EDNRA: variants seen among roughly 807,000 people sequenced by gnomAD.
The protein encoded by EDNRA is endothelin receptor type A.
Under a neutral mutation model 41.4 loss-of-function variants are expected in EDNRA, and 11 were observed. That is an observed-to-expected ratio of 0.27 (90% CI 0.17 to 0.44). EDNRA has a LOEUF of 0.44. EDNRA is among the 20% of genes least tolerant of loss of function. EDNRA has a pLI of 1.00. For missense variants in EDNRA, 294 were observed against 531.0 expected, an observed-to-expected ratio of 0.55 and a Z score of 4.39; for synonymous variants, 172 against 183.0, an observed-to-expected ratio of 0.94 and a Z score of 0.49.
chr4:147,506,083 C>A (rs1471496657), intron 2 of EDNRA: 2 of 514,314 alleles, frequency 3.9e-6, no homozygotes, highest in African/African-American at 1.9e-5. Flanking sequence ...TTCCCAGTAT[C>A]CTGGCAGGTT....
At chr4:147,490,669 A>G (rs1007523588) in intron 2 of EDNRA, 5 of 152,212 alleles carry the variant, frequency 3.3e-5, no homozygotes, top group Non-Finnish European at 5.9e-5. Flanking sequence ...GACAAAATAG[A>G]TAAGTATAGA....
At chr4:147,492,571 C>A (rs2126387582) in intron 2 of EDNRA, 1 of 151,926 alleles carries the variant, frequency 6.6e-6, no homozygotes, top group South Asian at 2.1e-4. Flanking sequence ...TCTGTGCATT[C>A]TTTAAGCATA....
intron 2 of EDNRA, among the ~76,000 whole-genome samples, chr4:147,487,725 C>T (rs1224403326): frequency 6.6e-6 from 1 of 152,152 alleles, no homozygotes; most frequent in Non-Finnish European, 1.5e-5. Flanking sequence ...CCCAAAATTA[C>T]ACCAGTACAC....
At chr4:147,492,932 A>T (rs1729188255) in intron 2 of EDNRA, 1 of 152,044 alleles carries the variant, frequency 6.6e-6, no homozygotes, top group Non-Finnish European at 1.5e-5. Context: ...TCTCATGGTC[A>T]TGTTAAGTAA....
Position 147,539,831 on chromosome 4 carries a change from A to G in EDNRA, c.915A>G (p.Ala305=), listed in dbSNP as rs1731037604. ...CTTTCCTTTAGCGTCGAGAAGTGGCAAAAACAGTTTTCTGCTTGGTTGTAA... is the reference window on the plus strand; with the variant it reads ...CTTTCCTTTAGCGTCGAGAAGTGGCGAAAACAGTTTTCTGCTTGGTTGTAA... ...SEHLKQRREV[A]KTVFCLVVIF... The change falls in exon 6 of 8, where the codon GCA becomes GCG. Residue 305 remains alanine, a synonymous_variant. Coordinates refer to ENST00000651419, the MANE Select transcript of EDNRA (RefSeq NM_001957.4). 1 of 1,609,002 alleles carries G rather than the reference A, an allele frequency of 6.2e-7. No homozygotes were observed. Among genetic ancestry groups the G allele is most frequent in the African/African-American group, 1.3e-5 (1 of 74,320 alleles).
chr4:147,539,951 G>A lies in EDNRA; in HGVS notation c.1034+1G>A. The A allele has an allele frequency of 1.3e-6, 2 of 1,596,374 alleles. No homozygotes were observed. Among genetic ancestry groups the A allele is most frequent in the Non-Finnish European group, 1.7e-6 (2 of 1,175,616 alleles). ...ACAAGAACCGATGTGAATTACTTAG[G>A]TATGATCCTGTGTACTCGCTAGAAA... On this transcript the variant is annotated splice_donor_variant, in intron 6 of 7. Transcript: ENST00000651419. LOFTEE classifies it high-confidence loss of function.
intron 4 of EDNRA, among the ~76,000 whole-genome samples, chr4:147,533,498 T>C (rs1212941040): frequency 6.6e-6 from 1 of 152,212 alleles, no homozygotes; most frequent in African/African-American, 2.4e-5. Context: ...ACATTCCACA[T>C]GTAATTATTT....
At chr4:147,502,261 A>T (rs901240696) in intron 2 of EDNRA, among the ~76,000 whole-genome samples, 2 of 152,198 alleles carry the variant, frequency 1.3e-5, no homozygotes, top group African/African-American at 4.8e-5. Flanking sequence ...TATCATAGAA[A>T]ATTAGATATT....
At chr4:147,498,498 T>C (rs1729392784) in intron 2 of EDNRA, among the ~76,000 whole-genome samples, 1 of 152,178 alleles carries the variant, frequency 6.6e-6, no homozygotes, top group Non-Finnish European at 1.5e-5. Context: ...CCACCTGTTT[T>C]TGTAAATGAA....
chr4:147,536,384 T>C (rs927922009), intron 5 of EDNRA, among the ~76,000 whole-genome samples: 4 of 152,158 alleles, frequency 2.6e-5, no homozygotes, highest in Non-Finnish European at 4.4e-5. Context: ...TACAGTCTTG[T>C]TGTAGAAATA....
intron 4 of EDNRA, among the ~76,000 whole-genome samples, chr4:147,535,122 G>T (rs1730875437): frequency 6.6e-6 from 1 of 152,168 alleles, no homozygotes; most frequent in Non-Finnish European, 1.5e-5. Flanking sequence ...GTGGGAAGAA[G>T]AATTTAGATA....
chr4:147,515,747 C>T (rs778380118), intron 2 of EDNRA, among the ~76,000 whole-genome samples: 1 of 152,090 alleles, frequency 6.6e-6, no homozygotes, highest in Non-Finnish European at 1.5e-5. Context: ...AGATATGTTC[C>T]CCATACTTAA....
At chr4:147,523,681 G>A (rs373593952) in intron 3 of EDNRA, among the ~76,000 whole-genome samples, 2 of 151,770 alleles carry the variant, frequency 1.3e-5, no homozygotes, top group Admixed American at 6.6e-5. Flanking sequence ...TAGTAGAGAC[G>A]GGGTTTCACC....
At chr4:147,518,266 C>T (rs1044604473) in intron 2 of EDNRA, among the ~76,000 whole-genome samples, 2 of 152,128 alleles carry the variant, frequency 1.3e-5, no homozygotes, top group African/African-American at 4.8e-5. Context: ...GCATTAATAA[C>T]CAGCAGTCAG....
intron 4 of EDNRA, among the ~76,000 whole-genome samples, chr4:147,533,904 C>T (rs1013531999): frequency 3.3e-5 from 5 of 152,130 alleles, no homozygotes; most frequent in African/African-American, 1.2e-4. Flanking sequence ...GTGGGCTAGA[C>T]GGTTGCAGTA....
At chr4:147,501,558 G>A (rs999573297) in intron 2 of EDNRA, among the ~76,000 whole-genome samples, 1 of 152,156 alleles carries the variant, frequency 6.6e-6, no homozygotes, top group Non-Finnish European at 1.5e-5. Flanking sequence ...AGATTCTTCT[G>A]TATCTTTCCA....
chr4:147,535,064 A>G (rs1208157689), intron 4 of EDNRA, among the ~76,000 whole-genome samples: 1 of 152,264 alleles, frequency 6.6e-6, no homozygotes, highest in African/African-American at 2.4e-5. Flanking sequence ...CTGAAGAAGC[A>G]CTATAAGGAA....
chr4:147,523,782 G>A (rs116468624), intron 3 of EDNRA, among the ~76,000 whole-genome samples: 14,016 of 152,054 alleles, frequency 0.092, 735 homozygotes, highest in South Asian at 0.2. Context: ...GAGCCACCGC[G>A]CCCGTCCTGT....
At chr4:147,526,526 C>T (rs531069912) in intron 3 of EDNRA, among the ~76,000 whole-genome samples, 1 of 152,302 alleles carries the variant, frequency 6.6e-6, no homozygotes, top group African/African-American at 2.4e-5. Context: ...AGAGGCCAGA[C>T]CTGGAACTGC....
Sources: allele counts gnomAD v4.1 joint callset (sites outside exome capture counted in the v4.1 genomes callset), GRCh38; gene constraint gnomAD v4.1.1; transcripts MANE v1.5; gene names NCBI Gene and HGNC (gene_info 2026-07-23, HGNC 2026-07-21).